Variants in BMERB1 observed in about 807,000 individuals in gnomAD.
The protein encoded by BMERB1 is bMERB domain-containing protein 1.
A neutral mutation model predicts 23.6 loss-of-function variants in BMERB1; 12 were observed. The ratio of observed to expected loss-of-function variants is 0.51; its 90% confidence interval spans 0.33 to 0.82. The LOEUF (loss-of-function observed/expected upper bound fraction) is 0.82, where lower values mean the gene tolerates loss of function less well. Among genes scored for constraint, BMERB1 ranks in the 40% least tolerant of loss-of-function variants. The pLI is 0.03. For synonymous variants in BMERB1, 122 were observed against 96.6 expected, an observed-to-expected ratio of 1.26 and a Z score of -1.54; for missense variants, 247 against 255.4, an observed-to-expected ratio of 0.97 and a Z score of 0.22.
intron 2 of BMERB1, among the ~76,000 whole-genome samples, chr16:15,517,037 T>C (rs943997879): frequency 8.5e-5 from 13 of 152,224 alleles, no homozygotes; most frequent in African/African-American, 3.1e-4. Context: ...GCCCTTTGCA[T>C]GTGCAAGACC....
At chr16:15,489,395 C>T (rs553832959) in intron 1 of BMERB1, among the ~76,000 whole-genome samples, 2 of 152,220 alleles carry the variant, frequency 1.3e-5, no homozygotes, top group African/African-American at 4.8e-5. Flanking sequence ...GTTCCTACCC[C>T]CTCTTTTTGG....
At chr16:15,552,587 A>G (rs2030124691) in intron 2 of BMERB1, among the ~76,000 whole-genome samples, 1 of 152,326 alleles carries the variant, frequency 6.6e-6, no homozygotes. Flanking sequence ...CTGTTGGCCA[A>G]CCTTGCATGC....
intron 1 of BMERB1, among the ~76,000 whole-genome samples, chr16:15,504,647 C>T (rs1220794450): frequency 6.6e-6 from 1 of 151,890 alleles, no homozygotes; most frequent in Non-Finnish European, 1.5e-5. Flanking sequence ...GAGATGGGGT[C>T]TTGCTCTGTT....
chr16:15,561,950 G>A (rs1236760381), intron 2 of BMERB1, among the ~76,000 whole-genome samples: 1 of 152,084 alleles, frequency 6.6e-6, no homozygotes, highest in African/African-American at 2.4e-5. Context: ...GTAGGTCCCA[G>A]GCACTGTGCT....
intron 2 of BMERB1, among the ~76,000 whole-genome samples, chr16:15,519,561 TTGTATTTTTA>T (rs1241450449): frequency 1.3e-5 from 2 of 152,084 alleles, no homozygotes; most frequent in African/African-American, 4.8e-5. Context: ...CAGCTAATTT[TTGTATTTTTA>T]GTAGAGACAA....
Position 15,587,108 on chromosome 16 carries a change from A to T in BMERB1, c.*279A>T. 2.3e-6 allele frequency: 1 copy of T among 443,956 alleles called. No individual in the cohort carries two copies. The highest frequency in any genetic ancestry group is 3.4e-5 in the South Asian group (1 of 29,172). The allele number at this position is 443,956 out of a possible 1,614,324, so 27.5% of individuals were successfully genotyped here. A position where few individuals can be genotyped will look rare whatever the true frequency, so the allele number is the denominator to read the frequency against. On this transcript the variant is annotated 3_prime_UTR_variant, in exon 6 of 6. Coordinates refer to ENST00000300006, the MANE Select transcript of BMERB1 (RefSeq NM_033201.3). Reference sequence around the variant, plus strand: ...CAAACACCAGGAAAGGTCCTCCCTCAAAAAAGCATATCTCCACTTCTCTCT... The same window carrying T: ...CAAACACCAGGAAAGGTCCTCCCTCTAAAAAGCATATCTCCACTTCTCTCT...
chr16:15,529,891 T>C (rs2051950332), intron 2 of BMERB1, among the ~76,000 whole-genome samples: 1 of 152,178 alleles, frequency 6.6e-6, no homozygotes. Context: ...GCAAATGTGT[T>C]AAAACAACAC....
At chr16:15,495,394 C>T (rs369529647) in intron 1 of BMERB1, among the ~76,000 whole-genome samples, 5 of 152,056 alleles carry the variant, frequency 3.3e-5, no homozygotes, top group African/African-American at 1.2e-4. Context: ...GAGACAGAGT[C>T]TCGCTCTGTC....
chr16:15,439,360 G>A (rs1183974150), intron 1 of BMERB1, among the ~76,000 whole-genome samples: 1 of 3,478 alleles, frequency 2.9e-4, no homozygotes, highest in Non-Finnish European at 0.012. Flanking sequence ...GATTAGATGA[G>A]ATAATGTATA....
At chr16:15,583,413 AC>A (rs2031066170) in intron 5 of BMERB1, among the ~76,000 whole-genome samples, 175 bp downstream of exon 5, 1 of 151,992 alleles carries the variant, frequency 6.6e-6, no homozygotes. Context: ...CCCCGTATCT[AC>A]CAAAAATATA....
At chr16:15,519,368 C>T (rs997566931) in intron 2 of BMERB1, among the ~76,000 whole-genome samples, 4 of 152,122 alleles carry the variant, frequency 2.6e-5, no homozygotes, top group Admixed American at 1.3e-4. Flanking sequence ...GTCTCACTTC[C>T]AATGCTTCTC....
chr16:15,506,552 C>T (rs1210232624), intron 1 of BMERB1, among the ~76,000 whole-genome samples: 2 of 152,032 alleles, frequency 1.3e-5, no homozygotes, highest in African/African-American at 4.8e-5. Context: ...CTCGGCCTTC[C>T]AGATAGTATT....
chr16:15,511,349 C>G (rs1205519271), intron 1 of BMERB1, among the ~76,000 whole-genome samples: 2 of 152,060 alleles, frequency 1.3e-5, no homozygotes, highest in African/African-American at 4.8e-5. Flanking sequence ...GAGGCTCGGC[C>G]AGGTGGCCAG....
At chr16:15,584,561 A>AG (rs897704480) in intron 5 of BMERB1, among the ~76,000 whole-genome samples, 3 of 151,478 alleles carry the variant, frequency 2.0e-5, no homozygotes, top group Non-Finnish European at 2.9e-5. Context: ...CCATCTCAAA[A>AG]AAAAAAAAAA....
rs543888995 is a variant in BMERB1 at position 15,447,001 on chromosome 16, G to A, written c.106+12242G>A. On this transcript the variant is annotated intron_variant, in intron 1 of 5. Coordinates refer to ENST00000300006, the MANE Select transcript of BMERB1 (RefSeq NM_033201.3). ...GGGCATATTACTGTAACGTTTGGCAGCAGGAGCTCTGCCTGCATTTGAATC... is the reference window on the plus strand; with the variant it reads ...GGGCATATTACTGTAACGTTTGGCAACAGGAGCTCTGCCTGCATTTGAATC... 2.0e-5 allele frequency among the ~76,000 whole-genome samples: 3 copies of A among 152,314 alleles called. No homozygotes were observed. In the East Asian group the frequency reaches 5.8e-4, roughly 29 times the overall value.
At chr16:15,469,111 G>A (rs1009025174) in intron 1 of BMERB1, among the ~76,000 whole-genome samples, 4 of 151,798 alleles carry the variant, frequency 2.6e-5, no homozygotes, top group East Asian at 3.9e-4. Context: ...CTACAAGTGC[G>A]TGCCACCACA....
intron 2 of BMERB1, among the ~76,000 whole-genome samples, chr16:15,560,800 A>C (rs1012508322): frequency 1.3e-5 from 2 of 151,596 alleles, no homozygotes; most frequent in Non-Finnish European, 2.9e-5. Context: ...CTCAAAATAA[A>C]ATAAAATAAA....
At chr16:15,477,804 A>T (rs2150934077) in intron 1 of BMERB1, among the ~76,000 whole-genome samples, 1 of 152,120 alleles carries the variant, frequency 6.6e-6, no homozygotes, top group East Asian at 1.9e-4. Flanking sequence ...GACAATAAGA[A>T]AACTCAGGCT....
intron 3 of BMERB1, among the ~76,000 whole-genome samples, chr16:15,571,834 C>T (rs1221079525): frequency 6.6e-6 from 1 of 152,124 alleles, no homozygotes; most frequent in African/African-American, 2.4e-5. Context: ...GCACATTTGA[C>T]TTCCTCCTCT....
Sources: allele counts gnomAD v4.1 joint callset (sites outside exome capture counted in the v4.1 genomes callset), GRCh38; gene constraint gnomAD v4.1.1; transcripts MANE v1.5; gene names NCBI Gene and HGNC (gene_info 2026-07-23, HGNC 2026-07-21).